Variants in KCNS3 observed in about 807,000 individuals in gnomAD.
KCNS3 encodes the protein delayed-rectifier potassium channel regulatory subunit KCNS3.
In KCNS3, 13 loss-of-function variants were observed where a neutral mutation model predicts 31.0. The observed-to-expected ratio is 0.42, with a 90% CI of 0.27 to 0.67. The LOEUF is 0.67. KCNS3 is among the 30% of genes least tolerant of loss of function. The probability of loss-of-function intolerance (pLI) is 0.25; values close to 1 mark genes in which losing one functional copy is unlikely to be tolerated. For synonymous variants in KCNS3, 238 were observed against 241.5 expected (o/e 0.99, Z 0.13); for missense variants, 545 against 622.4 (o/e 0.88, Z 1.32).
intron 1 of KCNS3, among the ~76,000 whole-genome samples, chr2:17,896,131 C>T (rs1264995896): frequency 2.0e-5 from 3 of 152,212 alleles, no homozygotes; most frequent in African/African-American, 7.2e-5. Context: ...CAGCCTTCAA[C>T]TCCTGGGCTC....
chr2:17,921,915 G>GCATATA (rs1553345243), intron 2 of KCNS3, among the ~76,000 whole-genome samples: 11 of 32,810 alleles, frequency 3.4e-4, no homozygotes, highest in African/African-American at 1.3e-3. Context: ...GTGTGTGTGT[G>GCATATA]TATATATATA....
At chr2:17,879,851 G>C (rs1674603617) in intron 1 of KCNS3, among the ~76,000 whole-genome samples, 1 of 152,168 alleles carries the variant, frequency 6.6e-6, no homozygotes, top group Admixed American at 6.5e-5. Context: ...TGACCCAGGG[G>C]CCCTGGTTTG....
chr2:17,903,712 G>GT (rs1321016514), intron 1 of KCNS3, among the ~76,000 whole-genome samples: 9 of 151,930 alleles, frequency 5.9e-5, no homozygotes, highest in Non-Finnish European at 1.3e-4. Flanking sequence ...GCGGTGTTTG[G>GT]TTTTTTGTCC....
intron 2 of KCNS3, among the ~76,000 whole-genome samples, chr2:17,925,267 C>A (rs1367922826): frequency 6.6e-6 from 1 of 152,170 alleles, no homozygotes; most frequent in Non-Finnish European, 1.5e-5. Context: ...GCGTCAACAT[C>A]AACATGAACC....
intron 1 of KCNS3, among the ~76,000 whole-genome samples, chr2:17,905,975 T>A (rs532346251): frequency 5.6e-4 from 85 of 152,254 alleles, no homozygotes; most frequent in Non-Finnish European, 9.1e-4. Context: ...GCTGGCCTGA[T>A]AAGATGAGTT....
chr2:17,905,539 A>T (rs1025784842), intron 1 of KCNS3, among the ~76,000 whole-genome samples: 2 of 152,170 alleles, frequency 1.3e-5, no homozygotes, highest in African/African-American at 4.8e-5. Flanking sequence ...GTCTTGTGCC[A>T]GTTTTCAAAG....
intron 1 of KCNS3, among the ~76,000 whole-genome samples, chr2:17,914,497 G>A (rs530813187): frequency 1.2e-4 from 18 of 152,296 alleles, no homozygotes; most frequent in Admixed American, 9.2e-4. Context: ...GGGATTGGTC[G>A]TGGGAACCAG....
At chr2:17,906,999 A>G (rs1162295752) in intron 1 of KCNS3, among the ~76,000 whole-genome samples, 1 of 152,176 alleles carries the variant, frequency 6.6e-6, no homozygotes, top group African/African-American at 2.4e-5. Context: ...GCTGAGTTCA[A>G]TTCCTGGATA....
intron 1 of KCNS3, among the ~76,000 whole-genome samples, chr2:17,895,596 A>C (rs1167036204): frequency 1.3e-5 from 2 of 152,190 alleles, no homozygotes; most frequent in African/African-American, 4.8e-5. Context: ...GACATCTCCC[A>C]CGTGTTTACT....
At chr2:17,881,287 A>G (rs1026252592) in intron 1 of KCNS3, among the ~76,000 whole-genome samples, 1 of 152,222 alleles carries the variant, frequency 6.6e-6, no homozygotes, top group African/African-American at 2.4e-5. Context: ...GACTCTGCTT[A>G]TCAGGTGTCA....
At chr2:17,906,975 C>T (rs920258147) in intron 1 of KCNS3, among the ~76,000 whole-genome samples, 2 of 152,152 alleles carry the variant, frequency 1.3e-5, no homozygotes, top group African/African-American at 4.8e-5. Flanking sequence ...TCTATTGGGT[C>T]TGCTTGGTGC....
intron 1 of KCNS3, among the ~76,000 whole-genome samples, chr2:17,911,301 C>T (rs1662466304): frequency 6.6e-6 from 1 of 152,102 alleles, no homozygotes; most frequent in Non-Finnish European, 1.5e-5. Flanking sequence ...TGGTAGTTCC[C>T]AGGATACTGC....
intron 1 of KCNS3, among the ~76,000 whole-genome samples, chr2:17,887,210 A>G (rs776679260): frequency 6.6e-6 from 1 of 151,992 alleles, no homozygotes; most frequent in East Asian, 1.9e-4. Context: ...TTTGGTGCAC[A>G]TATCACCTGA....
chr2:17,892,041 C>G (rs1005374162), intron 1 of KCNS3, among the ~76,000 whole-genome samples: 4 of 152,258 alleles, frequency 2.6e-5, no homozygotes, highest in African/African-American at 7.2e-5. Flanking sequence ...TTAGAATTCT[C>G]TTCTTCCTCA....
chr2:17,902,334 C>CTGTGTG (rs61498649), intron 1 of KCNS3, among the ~76,000 whole-genome samples: 55 of 149,752 alleles, frequency 3.7e-4, no homozygotes, highest in African/African-American at 1.3e-3. Flanking sequence ...GGTTGGGAGA[C>CTGTGTG]TGTGTGTGTG....
At position 17,927,283 on chromosome 2, in the gene KCNS3, C is replaced by T. The variant is rs187933694; in HGVS notation, c.-59-3667C>T. Among the ~76,000 whole-genome samples the T allele has an allele frequency of 8.0e-4, 122 of 152,328 alleles. 1 individual carries two copies. The highest frequency in any genetic ancestry group is 2.7e-3 in the African/African-American group (114 of 41,578). ...TACCAGCATTTTGGCCAAAACCACTCAACAAGTCTCTGGGAAGTTCCAAAC... is the reference window on the plus strand; with the variant it reads ...TACCAGCATTTTGGCCAAAACCACTTAACAAGTCTCTGGGAAGTTCCAAAC... On this transcript the variant is annotated intron_variant, in intron 2 of 2. Transcript: ENST00000304101.
chr2:17,885,744 A>G (rs950013892), intron 1 of KCNS3, among the ~76,000 whole-genome samples: 4 of 152,206 alleles, frequency 2.6e-5, no homozygotes, highest in Non-Finnish European at 5.9e-5. Flanking sequence ...AAGTCTACCA[A>G]TTTATATGCC....
intron 1 of KCNS3, among the ~76,000 whole-genome samples, chr2:17,896,152 C>T (rs1295306267): frequency 6.6e-6 from 1 of 152,192 alleles, no homozygotes; most frequent in Non-Finnish European, 1.5e-5. Context: ...AGGCGATCCT[C>T]CCACCTCAGC....
chr2:17,901,754 G>A (rs1488455596), intron 1 of KCNS3, among the ~76,000 whole-genome samples: 2 of 151,982 alleles, frequency 1.3e-5, no homozygotes, highest in Non-Finnish European at 2.9e-5. Context: ...CTTCAGCTTG[G>A]TTGATGATAT....
Sources: gnomAD v4.1 joint callset for allele counts (sites outside exome capture counted in the v4.1 genomes callset) on GRCh38, gnomAD v4.1.1 for gene constraint, MANE v1.5 for transcripts, NCBI Gene and HGNC (gene_info 2026-07-23, HGNC 2026-07-21) for gene names.